CNGB3: variants seen among roughly 807,000 people sequenced by gnomAD.
CNGB3 encodes cyclic nucleotide gated channel subunit beta 3.
Under a neutral mutation model 92.8 loss-of-function variants are expected in CNGB3, and 86 were observed. The observed-to-expected ratio is 0.93, with a 90% CI of 0.78 to 1.11. The LOEUF (loss-of-function observed/expected upper bound fraction) is 1.11, where lower values mean the gene tolerates loss of function less well. Among genes scored for constraint, CNGB3 ranks in the 50% least tolerant of loss-of-function variants. The pLI is 0.00. For synonymous variants in CNGB3, 333 were observed against 332.7 expected, an observed-to-expected ratio of 1.00 and a Z score of -0.01; for missense variants, 1,026 against 956.8, an observed-to-expected ratio of 1.07 and a Z score of -0.95.
At chr8:86,658,290 T>C (rs1823559597) in intron 6 of CNGB3, 2 of 511,938 alleles carry the variant, frequency 3.9e-6, no homozygotes, top group Non-Finnish European at 7.3e-6. Context: ...CACCATGGCC[T>C]CCCGACTCTC....
chr8:86,658,880 C>T (rs776617058), intron 6 of CNGB3: 7 of 728,280 alleles, frequency 9.6e-6, no homozygotes, highest in Non-Finnish European at 1.7e-5. Context: ...GCACCTCCAC[C>T]TGCTCCTCCC....
At chr8:86,652,776 C>T (rs1165799799) in intron 7 of CNGB3, among the ~76,000 whole-genome samples, 1 of 151,958 alleles carries the variant, frequency 6.6e-6, no homozygotes, top group Non-Finnish European at 1.5e-5. Flanking sequence ...TTCTGGAATG[C>T]CTCCTGAAAG....
intron 3 of CNGB3, among the ~76,000 whole-genome samples, chr8:86,691,935 G>T (rs540890427): frequency 3.9e-5 from 6 of 152,116 alleles, no homozygotes; most frequent in African/African-American, 1.4e-4. Flanking sequence ...CACTATTATT[G>T]TTCAGTTCAA....
intron 3 of CNGB3, among the ~76,000 whole-genome samples, chr8:86,700,746 C>A (rs1308941501): frequency 6.6e-6 from 1 of 152,204 alleles, no homozygotes; most frequent in East Asian, 1.9e-4. Flanking sequence ...TCAAGCAATT[C>A]TCATGCCTCA....
chr8:86,679,071 T>C (rs1296394166), intron 3 of CNGB3, among the ~76,000 whole-genome samples: 4 of 152,172 alleles, frequency 2.6e-5, no homozygotes, highest in African/African-American at 4.8e-5. Context: ...GAATGTTTGA[T>C]ACAATGTTCC....
chr8:86,577,637 A>G (rs1423816880), intron 17 of CNGB3, among the ~76,000 whole-genome samples: 2 of 152,198 alleles, frequency 1.3e-5, no homozygotes, highest in Non-Finnish European at 2.9e-5. Flanking sequence ...GAGATACACT[A>G]TTTAATTTGA....
chr8:86,589,277 T>C (rs1357825465), intron 15 of CNGB3, among the ~76,000 whole-genome samples: 6 of 151,296 alleles, frequency 4.0e-5, no homozygotes, highest in Admixed American at 1.3e-4. Flanking sequence ...TGTTGATCCT[T>C]TCAAAAAACC....
chr8:86,588,959 A>G (rs1324837059), intron 15 of CNGB3, among the ~76,000 whole-genome samples: 1 of 152,028 alleles, frequency 6.6e-6, no homozygotes, highest in African/African-American at 2.4e-5. Context: ...CTGTGAATCC[A>G]TCTGGTCCTG....
intron 3 of CNGB3, among the ~76,000 whole-genome samples, chr8:86,706,855 A>G (rs1003745405): frequency 6.6e-6 from 1 of 152,310 alleles, no homozygotes; most frequent in South Asian, 2.1e-4. Context: ...GAATCAGTTA[A>G]AGCTTGAGGG....
chr8:86,578,742 C>T lies in CNGB3; in HGVS notation c.2050G>A (p.Gly684Arg), dbSNP rs1488638223. The T allele has an allele frequency of 2.5e-6, 4 of 1,613,912 alleles. No homozygotes were observed. The highest frequency in any genetic ancestry group is 3.3e-5 in the Admixed American group (2 of 59,974). Residue 684 changes from glycine to arginine, a missense_variant, in exon 17 of 18, where the codon GGA becomes AGA. Transcript: ENST00000320005. ...KLFKTLLGGT[G>R]KASLARLLKL... Reference sequence around the variant, plus strand: ...AGTAGTCTTGCAAGACTTGCTTTTCCTGTGCCTCCTAGGAGAGTTTTAAAC... The same window carrying T: ...AGTAGTCTTGCAAGACTTGCTTTTCTTGTGCCTCCTAGGAGAGTTTTAAAC...
rs185545308 is a variant in CNGB3 at position 86,586,079 on chromosome 8, G to T, written c.1782-6827C>A. On this transcript the variant is annotated intron_variant, in intron 15 of 17. Transcript: ENST00000320005. ...TGATTGTGCTTTGAAGGTCAATCAT[G>T]CAAGGGAAGATAAAGAATTCACTGT... Among the ~76,000 whole-genome samples, 132 of 152,246 alleles carry T rather than the reference G, an allele frequency of 8.7e-4. 2 individuals are homozygous for T. In the East Asian group the frequency reaches 0.017, roughly 20 times the overall value.
At chr8:86,625,677 G>A (rs182871634) in intron 13 of CNGB3, among the ~76,000 whole-genome samples, 37 of 152,130 alleles carry the variant, frequency 2.4e-4, no homozygotes, top group Admixed American at 6.5e-4. Flanking sequence ...TAGATGGGAG[G>A]TGATACATGT....
chr8:86,645,159 A>G (rs995154901), intron 8 of CNGB3, among the ~76,000 whole-genome samples: 2 of 151,352 alleles, frequency 1.3e-5, no homozygotes, highest in African/African-American at 4.8e-5. Context: ...CAAAATTTAA[A>G]GTTCAGTAAG....
intron 3 of CNGB3, among the ~76,000 whole-genome samples, chr8:86,712,436 ATC>A (rs1212638988): frequency 6.6e-6 from 1 of 152,008 alleles, no homozygotes; most frequent in African/African-American, 2.4e-5. Flanking sequence ...TTACATTTAA[ATC>A]TCTGACTCAT....
At chr8:86,692,834 T>C (rs1345997515) in intron 3 of CNGB3, among the ~76,000 whole-genome samples, 1 of 152,182 alleles carries the variant, frequency 6.6e-6, no homozygotes, top group African/African-American at 2.4e-5. Flanking sequence ...TGTGAAGTTT[T>C]TGCTTTAAGG....
chr8:86,638,756 C>T (rs1187859122), intron 10 of CNGB3, among the ~76,000 whole-genome samples: 1 of 151,882 alleles, frequency 6.6e-6, no homozygotes, highest in Non-Finnish European at 1.5e-5. Context: ...GTTGAATCTC[C>T]TTCTGAACTC....
intron 8 of CNGB3, among the ~76,000 whole-genome samples, chr8:86,646,185 A>G (rs190319661): frequency 8.5e-4 from 128 of 151,268 alleles, no homozygotes; most frequent in East Asian, 3.9e-3. Flanking sequence ...TGAAATTTCC[A>G]TGTGAGACTG....
intron 3 of CNGB3, among the ~76,000 whole-genome samples, chr8:86,719,855 C>A (rs1014227353): frequency 6.6e-6 from 1 of 152,054 alleles, no homozygotes; most frequent in Admixed American, 6.6e-5. Flanking sequence ...TACTTAGAGC[C>A]AACTGCTCTT....
intron 3 of CNGB3, among the ~76,000 whole-genome samples, chr8:86,719,204 C>T (rs911322978): frequency 2.0e-5 from 3 of 151,996 alleles, no homozygotes; most frequent in African/African-American, 4.8e-5. Flanking sequence ...CAAGGGCATC[C>T]GTATCAGTAA....
Sources: gnomAD v4.1 joint callset for allele counts (sites outside exome capture counted in the v4.1 genomes callset) on GRCh38, gnomAD v4.1.1 for gene constraint, MANE v1.5 for transcripts, NCBI Gene and HGNC (gene_info 2026-07-23, HGNC 2026-07-21) for gene names.